Variants in ATP6V0A1 observed in about 807,000 individuals in gnomAD.
ATP6V0A1 encodes the protein V-type proton ATPase 116 kDa subunit a 1.
In ATP6V0A1, 43 loss-of-function variants were observed where a neutral mutation model predicts 105.4. The ratio of observed to expected loss-of-function variants is 0.41; its 90% CI spans 0.32 to 0.53. The LOEUF (loss-of-function observed/expected upper bound fraction) is 0.53, where lower values mean the gene tolerates loss of function less well. Ranked by LOEUF, ATP6V0A1 falls within the 20% of genes least tolerant of loss-of-function variation. The probability of loss-of-function intolerance (pLI) is 0.30; values close to 1 mark genes in which losing one functional copy is unlikely to be tolerated. For synonymous variants in ATP6V0A1, 362 were observed against 372.8 expected (o/e 0.97, Z 0.33); for missense variants, 676 against 1,051.1 (o/e 0.64, Z 4.93).
chr17:42,504,178 C>A (rs2091875209), intron 17 of ATP6V0A1, among the ~76,000 whole-genome samples: 1 of 152,214 alleles, frequency 6.6e-6, no homozygotes, highest in African/African-American at 2.4e-5. Flanking sequence ...ACAAGAAAGT[C>A]TCTGGATTTT....
In ATP6V0A1 at chr17:42,490,884, G is replaced by C. The variant is rs2090558377; in HGVS notation, c.1174+247G>C. Among the ~76,000 whole-genome samples the C allele has an allele frequency of 3.3e-5, 5 of 151,808 alleles. No individual in the cohort carries two copies. In the East Asian group the frequency reaches 7.7e-4, roughly 23 times the overall value. ...TTTATTTTATGATTTTTTTTTGACT[G>C]GGTCTCATTCTGTTGCCTAGGCTGT... On this transcript the variant is annotated intron_variant, in intron 11 of 21. Coordinates refer to ENST00000343619, the MANE Select transcript of ATP6V0A1 (RefSeq NM_001130021.3).
At chr17:42,491,297 T>C (rs1402591197) in intron 11 of ATP6V0A1, among the ~76,000 whole-genome samples, 1 of 152,132 alleles carries the variant, frequency 6.6e-6, no homozygotes, top group Non-Finnish European at 1.5e-5. Context: ...TAGCACTGTT[T>C]TTTTAATTTA....
At chr17:42,459,024 C>T (rs1250221789) in intron 1 of ATP6V0A1, 61 bp downstream of exon 1, 1 of 152,458 alleles carries the variant, frequency 6.6e-6, no homozygotes, top group East Asian at 1.9e-4. Flanking sequence ...GTAGGAAATC[C>T]TTCTAAGAGC....
At chr17:42,478,357 T>C (rs2145822946) in intron 6 of ATP6V0A1, 106 bp from the exon 7 acceptor site, 3 of 787,152 alleles carry the variant, frequency 3.8e-6, no homozygotes, top group African/African-American at 3.8e-5. Context: ...ACTTAAAGTA[T>C]AATAAAAAAA....
chr17:42,514,027 G>A, intron 20 of ATP6V0A1, 49 bp downstream of exon 20: 2 of 1,564,256 alleles, frequency 1.3e-6, no homozygotes, highest in Non-Finnish European at 1.8e-6. Context: ...CCCTCTGTGG[G>A]CGCACTGTCA....
chr17:42,490,531 G>C lies in ATP6V0A1; in HGVS notation c.1068G>C (p.Gln356His). The change falls in exon 11 of 22, where the codon CAG becomes CAC. Residue 356 changes from glutamine (Q) to histidine (H), a missense_variant. Transcript: ENST00000343619. The stretch of plus-strand genomic sequence containing the variant: ...TACCTTCCATTTTGAACAGGATGCA[G>C]ACAAACCAGACTCCCCCAACCTATA... ...STVPSILNRM[Q>H]TNQTPPTYNK... 6.2e-7 allele frequency: 1 copy of C among 1,613,542 alleles called. No homozygotes were observed. Among genetic ancestry groups the C allele is most frequent in the South Asian group, 1.1e-5 (1 of 90,948 alleles).
At chr17:42,506,279 T>G (rs1247254791) in intron 17 of ATP6V0A1, among the ~76,000 whole-genome samples, 3 of 152,268 alleles carry the variant, frequency 2.0e-5, no homozygotes, top group Non-Finnish European at 4.4e-5. Flanking sequence ...ATTTACAATT[T>G]CTGGGAGTAG....
chr17:42,478,372 T>TAC (rs2089032626), intron 6 of ATP6V0A1, 91 bp from the exon 7 acceptor site: 1 of 889,064 alleles, frequency 1.1e-6, no homozygotes, highest in African/African-American at 1.8e-5. Flanking sequence ...AAAAAAGATA[T>TAC]ATATATAAAT....
chr17:42,517,723 C>T (rs1329183612), intron 21 of ATP6V0A1, among the ~76,000 whole-genome samples: 1 of 152,196 alleles, frequency 6.6e-6, no homozygotes, highest in African/African-American at 2.4e-5. Flanking sequence ...AGCTGTGGCC[C>T]TCTTACCAGG....
intron 11 of ATP6V0A1, 57 bp from the exon 12 acceptor site, chr17:42,494,277 G>C: frequency 6.7e-7 from 1 of 1,481,638 alleles, no homozygotes; most frequent in Non-Finnish European, 9.2e-7. Context: ...TGTAATATTT[G>C]TGGAATTGCT....
At chr17:42,475,525 A>AT (rs113709194) in intron 5 of ATP6V0A1, among the ~76,000 whole-genome samples, 31 of 148,792 alleles carry the variant, frequency 2.1e-4, no homozygotes, top group Non-Finnish European at 3.3e-4. Context: ...TTTTTTTGGA[A>AT]TTTTTTTTTT....
rs916077192 is a variant in ATP6V0A1 at position 42,458,893 on chromosome 17, T to C, written c.-118T>C. ...GGACGCAAGCACGTCGAAGCGCTGCTCCTGGAGCCGCGGAGGGTGCGGGTT... is the reference window on the plus strand; with the variant it reads ...GGACGCAAGCACGTCGAAGCGCTGCCCCTGGAGCCGCGGAGGGTGCGGGTT... On this transcript the variant is annotated 5_prime_UTR_variant, in exon 1 of 22. Transcript: ENST00000343619. The C allele has an allele frequency of 6.5e-6, 1 of 153,748 alleles. No homozygotes were observed. Among genetic ancestry groups the C allele is most frequent in the African/African-American group, 2.4e-5 (1 of 41,584 alleles). The allele number at this position is 153,748 out of a possible 1,614,324, so 9.5% of individuals were successfully genotyped here.
chr17:42,497,030 G>A (rs1039242819), intron 14 of ATP6V0A1, among the ~76,000 whole-genome samples: 5 of 152,222 alleles, frequency 3.3e-5, no homozygotes, highest in South Asian at 4.1e-4. Context: ...AGCCAGGCAC[G>A]GTGGCTCACG....
chr17:42,521,071 T>C lies in ATP6V0A1; in HGVS notation c.2465T>C (p.Phe822Ser). ...NKFYSGTGFK[F>S]LPFSFEHIRE... is the part of the protein sequence containing the mutation. ...TTCTACAGCGGGACCGGTTTCAAGT[T>C]CTTACCCTTCTCCTTCGAGCATATT... Residue 822 changes from phenylalanine to serine, a missense_variant, in exon 22 of 22, where the codon TTC becomes TCC. By Grantham distance (155) the Phe-to-Ser change is radical (BLOSUM62 -2). Transcript: ENST00000343619. This position sits in a 1 kb window ranked among gnomAD's most constrained non-coding sequence, Gnocchi z 4.8. 1.9e-6 allele frequency: 3 copies of C among 1,610,698 alleles called. No individual in the cohort carries two copies. Among genetic ancestry groups the C allele is most frequent in the Non-Finnish European group, 2.5e-6 (3 of 1,178,440 alleles).
chr17:42,492,449 G>A (rs1157387515), intron 11 of ATP6V0A1, among the ~76,000 whole-genome samples: 2 of 151,524 alleles, frequency 1.3e-5, no homozygotes, highest in Non-Finnish European at 2.9e-5. Context: ...GCTCACGCCT[G>A]TAATCCCAGC....
chr17:42,478,157 A>G (rs1221938058), intron 6 of ATP6V0A1, among the ~76,000 whole-genome samples: 1 of 145,732 alleles, frequency 6.9e-6, no homozygotes, highest in African/African-American at 2.5e-5. Flanking sequence ...TGGAAATTGA[A>G]CAATGAGAAC....
At chr17:42,470,761 C>T (rs556229988) in intron 5 of ATP6V0A1, 2 of 154,866 alleles carry the variant, frequency 1.3e-5, no homozygotes, top group South Asian at 3.9e-4. Context: ...TTTGAAACTT[C>T]TGGATTATCA....
intron 11 of ATP6V0A1, among the ~76,000 whole-genome samples, chr17:42,493,649 T>C (rs1227326608): frequency 1.3e-5 from 2 of 152,094 alleles, no homozygotes; most frequent in East Asian, 3.9e-4. Flanking sequence ...TATTTATCAG[T>C]AATTTTAAAA....
chr17:42,501,157 CT>C lies in ATP6V0A1; in HGVS notation c.1897-36del, dbSNP rs1567855563. On this transcript the variant is annotated intron_variant, in intron 16 of 21. Coordinates refer to ENST00000343619, the MANE Select transcript of ATP6V0A1 (RefSeq NM_001130021.3). ...GGAAACTGCGTATGTGATCGGTAGACTTTTATATGATGTACCTTGTCCTTCT... is the reference window on the plus strand; with the variant it reads ...GGAAACTGCGTATGTGATCGGTAGACTTTATATGATGTACCTTGTCCTTCT... The C allele has an allele frequency of 5.2e-6, 8 of 1,532,040 alleles. No homozygotes were observed. The South Asian group carries it at 9.1e-5, about 17-fold the overall frequency. The allele number at this position is 1,532,040 out of a possible 1,614,324, so 94.9% of individuals were successfully genotyped here. A position where few individuals can be genotyped will look rare whatever the true frequency, so the allele number is the denominator to read the frequency against.
Sources: allele counts gnomAD v4.1 joint callset (sites outside exome capture counted in the v4.1 genomes callset), GRCh38; gene constraint gnomAD v4.1.1; non-coding constraint Gnocchi (gnomAD v3.1); transcripts MANE v1.5; gene names NCBI Gene and HGNC (gene_info 2026-07-23, HGNC 2026-07-21).